Variants in NCAPD3 observed in about 807,000 individuals in gnomAD.
NCAPD3 encodes condensin-2 complex subunit D3.
Under a neutral mutation model 182.9 loss-of-function variants are expected in NCAPD3, and 105 were observed. The ratio of observed to expected loss-of-function variants is 0.57; its 90% CI spans 0.49 to 0.68. The LOEUF is 0.68. NCAPD3 is among the 30% of genes least tolerant of loss of function. The pLI is 0.00. For synonymous variants in NCAPD3, 815 were observed against 679.9 expected (o/e 1.20, Z -3.09); for missense variants, 1,944 against 1,837.0 (o/e 1.06, Z -1.07).
chr11:134,189,189 C>A (rs1944473769), intron 16 of NCAPD3, among the ~76,000 whole-genome samples: 1 of 152,116 alleles, frequency 6.6e-6, no homozygotes, highest in African/African-American at 2.4e-5. Flanking sequence ...TTGTATCACC[C>A]ATTTCATCAT....
In NCAPD3 at chr11:134,223,446, G is replaced by A. The variant is rs897514893; in HGVS notation, c.64+417C>T. The A allele has an allele frequency of 4.3e-6, 3 of 702,428 alleles. No individual in the cohort carries two copies. In the Admixed American group the frequency reaches 6.0e-5, roughly 14 times the overall value. 43.5% of individuals were successfully genotyped at this position (702,428 alleles called of 1,614,324 possible). A position where few individuals can be genotyped will look rare whatever the true frequency, so the allele number is the denominator to read the frequency against. On this transcript the variant is annotated intron_variant, in intron 1 of 34. Transcript: ENST00000534548. ...GGAATCCCATTTTCACTCATGTGAC[G>A]TTTGATGATGTCTGCATGTGAGACA...
In NCAPD3 at chr11:134,204,292, G is replaced by A. The variant is rs908522508; in HGVS notation, c.1090-121C>T. ...TAGTTCAATGACCTTTAAATGTTAC[G>A]TAAATGACTAATAAATTTTAGGTTT... On this transcript the variant is annotated intron_variant, in intron 9 of 34. Transcript: ENST00000534548. The surrounding 1 kb of genome is among the most constrained non-coding windows in gnomAD (Gnocchi z 4.3). 2.5e-5 allele frequency: 27 copies of A among 1,062,808 alleles called. No homozygotes were observed. The highest frequency in any genetic ancestry group is 1.3e-4 in the South Asian group (7 of 55,176). 65.8% of individuals were successfully genotyped at this position (1,062,808 alleles called of 1,614,324 possible).
chr11:134,161,652 G>C, intron 28 of NCAPD3, 129 bp downstream of exon 28: 2 of 675,458 alleles, frequency 3.0e-6, no homozygotes, highest in East Asian at 5.7e-5. Flanking sequence ...AGTTACCAAG[G>C]TAATGTTGGG....
Position 134,206,748 on chromosome 11 carries a change from A to G in NCAPD3, c.883-16T>C. The G allele has an allele frequency of 6.3e-7, 1 of 1,596,434 alleles. No homozygotes were observed. The highest frequency in any genetic ancestry group is 8.5e-7 in the Non-Finnish European group (1 of 1,173,264). On this transcript the variant is annotated splice_polypyrimidine_tract_variant and intron_variant, in intron 7 of 34. Coordinates refer to ENST00000534548, the MANE Select transcript of NCAPD3 (RefSeq NM_015261.3). The stretch of plus-strand genomic sequence containing the variant: ...AACTGATGACCTAGAAGAGAAAAGA[A>G]AATTCAATTTAAGATCGGATGGAGA...
chr11:134,152,714 T>G lies in NCAPD3; in HGVS notation c.*230A>C, dbSNP rs977604936. On this transcript the variant is annotated 3_prime_UTR_variant, in exon 35 of 35. Transcript: ENST00000534548. ...AATAAAGTTACAATATTAAACAGAT[T>G]AGGGTAAGAAAATCTAAATCTGGCA... The G allele has an allele frequency of 5.2e-5, 23 of 442,950 alleles. No homozygotes were observed. The highest frequency in any genetic ancestry group is 4.4e-4 in the African/African-American group (22 of 50,376). 27.4% of individuals were successfully genotyped at this position (442,950 alleles called of 1,614,324 possible).
chr11:134,177,639 T>C lies in NCAPD3; in HGVS notation c.2783-182A>G, dbSNP rs933648117. ...CCCATCTTGAATAGTCGAATAAAAATACCTAAGGAGAAATAAACTCCCCAG... is the reference window on the plus strand; with the variant it reads ...CCCATCTTGAATAGTCGAATAAAAACACCTAAGGAGAAATAAACTCCCCAG... On this transcript the variant is annotated intron_variant, in intron 22 of 34. Transcript: ENST00000534548. 7.0e-5 allele frequency: 42 copies of C among 597,666 alleles called. No individual in the cohort carries two copies. In the Admixed American group the frequency reaches 1.2e-3, roughly 17 times the overall value. 37.0% of individuals were successfully genotyped at this position (597,666 alleles called of 1,614,324 possible).
intron 13 of NCAPD3, among the ~76,000 whole-genome samples, chr11:134,199,119 C>T (rs11607531): frequency 0.08 from 12,088 of 151,946 alleles, 615 homozygotes; most frequent in Admixed American, 0.11. Flanking sequence ...ACAAGGGACC[C>T]AGAATAGCCA....
intron 13 of NCAPD3, among the ~76,000 whole-genome samples, 171 bp from the exon 14 acceptor site, chr11:134,194,909 T>C (rs1023211188): frequency 2.6e-5 from 4 of 152,240 alleles, no homozygotes; most frequent in Non-Finnish European, 5.9e-5. Flanking sequence ...AATTAGGTAT[T>C]CACTGTAATG....
chr11:134,221,768 G>C (rs997095777), intron 1 of NCAPD3, among the ~76,000 whole-genome samples: 6 of 152,200 alleles, frequency 3.9e-5, no homozygotes, highest in African/African-American at 1.4e-4. Context: ...AAATGAAAAT[G>C]AAAGGCCTTA....
intron 20 of NCAPD3, among the ~76,000 whole-genome samples, chr11:134,180,535 G>A (rs114980319): frequency 0.013 from 1,967 of 152,192 alleles, 36 homozygotes; most frequent in African/African-American, 0.044. Flanking sequence ...TTCTTGCACC[G>A]TTTACAGTTT....
In NCAPD3 at chr11:134,164,057, G is replaced by A. The variant is rs139851816; in HGVS notation, c.3574-2166C>T. 9.9e-5 allele frequency among the ~76,000 whole-genome samples: 15 copies of A among 152,248 alleles called. No individual in the cohort carries two copies. The East Asian group carries it at 2.5e-3, about 26-fold the overall frequency. The stretch of plus-strand genomic sequence containing the variant: ...TAAGAGAAAACAGGCAGGATCTTGT[G>A]GCAAGATATGATCAGAGTCTATATC... On this transcript the variant is annotated intron_variant, in intron 27 of 34. Coordinates refer to ENST00000534548, the MANE Select transcript of NCAPD3 (RefSeq NM_015261.3).
intron 7 of NCAPD3, among the ~76,000 whole-genome samples, chr11:134,208,420 T>C (rs904803397): frequency 6.6e-6 from 1 of 152,154 alleles, no homozygotes; most frequent in Admixed American, 6.5e-5. Context: ...TCAACACAAA[T>C]AATACAACTA....
intron 27 of NCAPD3, 95 bp downstream of exon 27, chr11:134,167,901 G>A (rs768125953): frequency 1.8e-6 from 2 of 1,106,198 alleles, no homozygotes. Flanking sequence ...TCACTTGTGA[G>A]ATGAGCTTGG....
Position 134,158,530 on chromosome 11 carries a change from T to C in NCAPD3, c.3868-35A>G, listed in dbSNP as rs781711541. The C allele has an allele frequency of 4.4e-6, 7 of 1,594,256 alleles. No individual in the cohort carries two copies. The Admixed American group carries it at 8.4e-5, about 19-fold the overall frequency. ...AAGATAAAGAGTATGTACATTCTAA[T>C]ACTTTTTAAGTTTTCAAAAACGGAT... On this transcript the variant is annotated intron_variant, in intron 29 of 34. Transcript: ENST00000534548.
At chr11:134,160,561 A>G (rs987730308) in intron 28 of NCAPD3, among the ~76,000 whole-genome samples, 1 of 152,154 alleles carries the variant, frequency 6.6e-6, no homozygotes, top group Non-Finnish European at 1.5e-5. Flanking sequence ...GATTCCAACT[A>G]AGGCTCAAAT....
At position 134,161,776 on chromosome 11, in the gene NCAPD3, C is replaced by A; in HGVS notation, c.3684+5G>T. On this transcript the variant is annotated splice_donor_5th_base_variant and intron_variant, in intron 28 of 34. Transcript: ENST00000534548. ...CAACCACAAAAGCACAGGCTCCACCCTTACCCTGAGATAGTGCATGAGTTC... is the reference window on the plus strand; with the variant it reads ...CAACCACAAAAGCACAGGCTCCACCATTACCCTGAGATAGTGCATGAGTTC... 1 of 1,520,854 alleles carries A rather than the reference C, an allele frequency of 6.6e-7. No individual in the cohort carries two copies. Among genetic ancestry groups the A allele is most frequent in the Admixed American group, 1.7e-5 (1 of 58,386 alleles). The allele number at this position is 1,520,854 out of a possible 1,614,324, so 94.2% of individuals were successfully genotyped here. A position where few individuals can be genotyped will look rare whatever the true frequency, so the allele number is the denominator to read the frequency against.
intron 16 of NCAPD3, among the ~76,000 whole-genome samples, chr11:134,188,644 C>G (rs1944461951): frequency 1.3e-5 from 2 of 152,182 alleles, no homozygotes; most frequent in Admixed American, 1.3e-4. Context: ...CTACGAAGGT[C>G]TGCGGCCTCA....
At chr11:134,159,719 A>G (rs75188727) in intron 29 of NCAPD3, among the ~76,000 whole-genome samples, 173 bp downstream of exon 29, 5,711 of 152,298 alleles carry the variant, frequency 0.037, 373 homozygotes, top group African/African-American at 0.13. Context: ...AGCACAGTAA[A>G]TCCATCACAG....
intron 1 of NCAPD3, chr11:134,223,035 AG>A (rs1478087750): frequency 2.3e-5 from 5 of 216,980 alleles, no homozygotes; most frequent in Non-Finnish European, 4.7e-5. Context: ...GAACAATCCA[AG>A]TGTGTCCGAC....
Sources: gnomAD v4.1 joint callset for allele counts (sites outside exome capture counted in the v4.1 genomes callset) on GRCh38, gnomAD v4.1.1 for gene constraint, Gnocchi (gnomAD v3.1) non-coding constraint, MANE v1.5 for transcripts, NCBI Gene and HGNC (gene_info 2026-07-23, HGNC 2026-07-21) for gene names.